The following CCDC91 variants were observed in gnomAD, a reference collection of about 807,000 sequenced individuals.
CCDC91 encodes the protein coiled-coil domain-containing protein 91.
Under a neutral mutation model 63.2 loss-of-function variants are expected in CCDC91, and 48 were observed. The ratio of observed to expected loss-of-function variants is 0.76; its 90% CI spans 0.60 to 0.97. The LOEUF is 0.97. Ranked by LOEUF, CCDC91 falls within the 50% of genes least tolerant of loss-of-function variation. The probability of loss-of-function intolerance (pLI) is 0.00; values close to 1 mark genes in which losing one functional copy is unlikely to be tolerated. For missense variants in CCDC91, 500 were observed against 494.6 expected, an observed-to-expected ratio of 1.01 and a Z score of -0.10; for synonymous variants, 167 against 165.8, an observed-to-expected ratio of 1.01 and a Z score of -0.06.
At chr12:28,335,391 T>G (rs987018332) in intron 6 of CCDC91, among the ~76,000 whole-genome samples, 14 of 141,546 alleles carry the variant, frequency 9.9e-5, no homozygotes, top group Non-Finnish European at 3.0e-5. Flanking sequence ...TATATATAAA[T>G]ATTATGTATA....
rs1357043752 is a variant in CCDC91 at position 28,424,579 on chromosome 12, C to T, written c.763-25582C>T. Among the ~76,000 whole-genome samples, 6 of 152,010 alleles carry T rather than the reference C, an allele frequency of 3.9e-5. No individual in the cohort carries two copies. The East Asian group carries it at 7.7e-4, about 20-fold the overall frequency. The stretch of plus-strand genomic sequence containing the variant: ...TGGAATTACCTTTTCATTAAATTGC[C>T]TATTTATTAGTCTTTTTTTCCATTG... On this transcript the variant is annotated intron_variant, in intron 8 of 12. Coordinates refer to ENST00000536442, the MANE Select transcript of CCDC91 (RefSeq NM_018318.5).
At chr12:28,200,276 CTTTT>C (rs1169535112) in intron 1 of CCDC91, among the ~76,000 whole-genome samples, 13 of 145,914 alleles carry the variant, frequency 8.9e-5, no homozygotes, top group African/African-American at 3.3e-4. Flanking sequence ...TTCTATGTTT[CTTTT>C]TATTTATTTA....
intron 6 of CCDC91, among the ~76,000 whole-genome samples, chr12:28,354,145 T>C (rs1943368037): frequency 6.6e-6 from 1 of 152,162 alleles, no homozygotes; most frequent in Admixed American, 6.5e-5. Flanking sequence ...AGCAGAAAAT[T>C]ATGTTATGGA....
At chr12:28,396,140 A>G (rs963036280) in intron 8 of CCDC91, among the ~76,000 whole-genome samples, 1 of 152,222 alleles carries the variant, frequency 6.6e-6, no homozygotes, top group African/African-American at 2.4e-5. Context: ...TATAGGACTA[A>G]TGATGAGTTC....
intron 11 of CCDC91, among the ~76,000 whole-genome samples, chr12:28,466,432 G>A (rs1473457986): frequency 6.6e-6 from 1 of 152,076 alleles, no homozygotes; most frequent in Non-Finnish European, 1.5e-5. Flanking sequence ...AATTCCCAAA[G>A]ATCAAGGATA....
intron 1 of CCDC91, among the ~76,000 whole-genome samples, chr12:28,193,605 CAA>C (rs61394800): frequency 0.31 from 40,715 of 130,454 alleles, 5,685 homozygotes; most frequent in Non-Finnish European, 0.34. Flanking sequence ...GTCTCAAAAA[CAA>C]AAAAAAAAAA....
intron 12 of CCDC91, among the ~76,000 whole-genome samples, chr12:28,504,344 A>T (rs898385709): frequency 7.9e-5 from 12 of 151,868 alleles, no homozygotes; most frequent in Non-Finnish European, 1.5e-4. Flanking sequence ...CACAGATTTT[A>T]TTTATTCTAT....
chr12:28,389,842 T>C (rs7486233), intron 7 of CCDC91, among the ~76,000 whole-genome samples: 1 of 152,138 alleles, frequency 6.6e-6, no homozygotes, highest in Non-Finnish European at 1.5e-5. Context: ...TATTATTTTT[T>C]AACTTTTCTG....
At chr12:28,249,788 A>G (rs1469193953) in intron 1 of CCDC91, among the ~76,000 whole-genome samples, 2 of 151,488 alleles carry the variant, frequency 1.3e-5, no homozygotes, top group South Asian at 2.1e-4. Context: ...ATTTCCTTCT[A>G]TTGAAAACAG....
chr12:28,290,329 C>CT (rs113489265), intron 3 of CCDC91, among the ~76,000 whole-genome samples: 5 of 152,166 alleles, frequency 3.3e-5, no homozygotes, highest in South Asian at 2.1e-4. Flanking sequence ...GTAATCCTTG[C>CT]TTTTTTTCTG....
intron 11 of CCDC91, among the ~76,000 whole-genome samples, chr12:28,477,279 A>G (rs1951154969): frequency 1.3e-5 from 2 of 152,228 alleles, no homozygotes; most frequent in Non-Finnish European, 2.9e-5. Flanking sequence ...ACCATGATCA[A>G]GTGGGCTTGA....
chr12:28,477,564 G>A (rs1398191172), intron 11 of CCDC91, among the ~76,000 whole-genome samples: 20 of 152,078 alleles, frequency 1.3e-4, no homozygotes, highest in Non-Finnish European at 2.5e-4. Context: ...CACAAGACAG[G>A]GATGCCCTCT....
In CCDC91 at chr12:28,513,559, A is replaced by G. The variant is rs145124341; in HGVS notation, c.1215+29394A>G. The stretch of plus-strand genomic sequence containing the variant: ...TATTCCAAAATCAAAAAAATCCAAA[A>G]TTCGAAACACTTCTGGTCCCAAGAG... On this transcript the variant is annotated intron_variant, in intron 12 of 12. Coordinates refer to ENST00000536442, the MANE Select transcript of CCDC91 (RefSeq NM_018318.5). Among the ~76,000 whole-genome samples the G allele has an allele frequency of 4.7e-3, 712 of 152,010 alleles. 16 individuals are homozygous for G. The South Asian group carries it at 0.08, about 17-fold the overall frequency.
chr12:28,543,450 T>A (rs1254026812), intron 12 of CCDC91, among the ~76,000 whole-genome samples: 1 of 152,070 alleles, frequency 6.6e-6, no homozygotes, highest in African/African-American at 2.4e-5. Context: ...CCGTGGTTTT[T>A]AGTTTCTGTT....
intron 12 of CCDC91, among the ~76,000 whole-genome samples, chr12:28,496,532 G>A (rs755267108): frequency 6.6e-6 from 1 of 151,516 alleles, no homozygotes; most frequent in Non-Finnish European, 1.5e-5. Flanking sequence ...CATTACAAAT[G>A]GCCACTACAT....
intron 3 of CCDC91, among the ~76,000 whole-genome samples, chr12:28,283,404 T>C (rs924538231): frequency 5.3e-5 from 8 of 152,094 alleles, no homozygotes; most frequent in Non-Finnish European, 1.2e-4. Context: ...CTTTTGTTGT[T>C]CCTGTGTAGA....
At chr12:28,546,065 A>C (rs936534741) in intron 12 of CCDC91, among the ~76,000 whole-genome samples, 3 of 152,142 alleles carry the variant, frequency 2.0e-5, no homozygotes, top group Admixed American at 6.6e-5. Flanking sequence ...GTTATGAAGC[A>C]TAATAGTAAA....
At chr12:28,376,139 G>A (rs986170669) in intron 7 of CCDC91, among the ~76,000 whole-genome samples, 1 of 151,734 alleles carries the variant, frequency 6.6e-6, no homozygotes, top group Non-Finnish European at 1.5e-5. Flanking sequence ...ATTCTATTAA[G>A]TTATTCTGCT....
chr12:28,309,773 C>G (rs144288269), intron 6 of CCDC91, among the ~76,000 whole-genome samples: 1 of 152,016 alleles, frequency 6.6e-6, no homozygotes, highest in Non-Finnish European at 1.5e-5. Flanking sequence ...TAACAGCTCT[C>G]GCTGAACTCT....
Sources: gnomAD v4.1 joint callset for allele counts (sites outside exome capture counted in the v4.1 genomes callset) on GRCh38, gnomAD v4.1.1 for gene constraint, MANE v1.5 for transcripts, NCBI Gene and HGNC (gene_info 2026-07-23, HGNC 2026-07-21) for gene names.